The following RNF216 variants were observed in gnomAD, a reference collection of about 807,000 sequenced individuals.
RNF216 encodes the protein E3 ubiquitin-protein ligase RNF216.
In RNF216, 72 loss-of-function variants were observed where a neutral mutation model predicts 110.8. The observed-to-expected ratio is 0.65, with a 90% CI of 0.54 to 0.79. The LOEUF (loss-of-function observed/expected upper bound fraction) is 0.79. Among genes scored for constraint, RNF216 ranks in the 30% least tolerant of loss-of-function variants. The pLI is 0.00. For missense variants in RNF216, 1,342 were observed against 1,141.2 expected (o/e 1.18, Z -2.54); for synonymous variants, 495 against 407.5 (o/e 1.21, Z -2.59).
chr7:5,717,991 A>G (rs2128633799), intron 9 of RNF216, among the ~76,000 whole-genome samples: 1 of 152,188 alleles, frequency 6.6e-6, no homozygotes, highest in Admixed American at 6.5e-5. Context: ...TACTATCTGG[A>G]TAAGAAAGAC....
chr7:5,777,837 C>CA (rs747876633), intron 1 of RNF216, among the ~76,000 whole-genome samples: 4 of 152,150 alleles, frequency 2.6e-5, no homozygotes, highest in Admixed American at 6.5e-5. Flanking sequence ...AAATTAAACT[C>CA]AAAATCTTCA....
intron 9 of RNF216, among the ~76,000 whole-genome samples, chr7:5,720,567 T>G (rs925173161): frequency 1.3e-5 from 2 of 152,124 alleles, no homozygotes; most frequent in Admixed American, 6.5e-5. Context: ...CTAACTTTCA[T>G]GTTGTTCAAG....
intron 13 of RNF216, among the ~76,000 whole-genome samples, chr7:5,658,158 T>A (rs1788865245): frequency 6.6e-6 from 1 of 152,190 alleles, no homozygotes; most frequent in Non-Finnish European, 1.5e-5. Context: ...GTAAGTGCCA[T>A]GAGTAATCAG....
Position 5,720,151 on chromosome 7 carries a change from T to C in RNF216, c.1644+882A>G, listed in dbSNP as rs867616443. On this transcript the variant is annotated intron_variant, in intron 9 of 16. Transcript: ENST00000389902. ...TTGTTCTGCTGGTACAAACTCAATA[T>C]GGTGAAAAAGCAAATATAGCTGAGC... Among the ~76,000 whole-genome samples, 5 of 152,276 alleles carry C rather than the reference T, an allele frequency of 3.3e-5. No individual in the cohort carries two copies. In the South Asian group the frequency reaches 8.3e-4, roughly 25 times the overall value.
chr7:5,730,292 A>G (rs1407950095), intron 6 of RNF216, among the ~76,000 whole-genome samples: 2 of 152,252 alleles, frequency 1.3e-5, no homozygotes, highest in African/African-American at 4.8e-5. Flanking sequence ...AAGAGGATAC[A>G]GTAAACTGTT....
At chr7:5,779,513 G>T (rs543703140) in intron 1 of RNF216, among the ~76,000 whole-genome samples, 5 of 152,168 alleles carry the variant, frequency 3.3e-5, no homozygotes, top group African/African-American at 4.8e-5. Context: ...ATGTTTCATA[G>T]AATCTTCCCG....
intron 9 of RNF216, among the ~76,000 whole-genome samples, chr7:5,718,173 G>A (rs1296499059): frequency 6.6e-6 from 1 of 152,082 alleles, no homozygotes; most frequent in African/African-American, 2.4e-5. Flanking sequence ...TTAAGGTCAG[G>A]AGTTTGACAC....
chr7:5,674,058 C>G (rs1014321338), intron 13 of RNF216, among the ~76,000 whole-genome samples: 3 of 151,166 alleles, frequency 2.0e-5, no homozygotes, highest in African/African-American at 7.3e-5. Context: ...ACGACGGAGT[C>G]TTGCCTTGTC....
At chr7:5,623,842 C>A (rs1212568495) in intron 16 of RNF216, among the ~76,000 whole-genome samples, 1 of 152,170 alleles carries the variant, frequency 6.6e-6, no homozygotes, top group Non-Finnish European at 1.5e-5. Flanking sequence ...TCCTCACCAT[C>A]AAGGAGATGC....
intron 13 of RNF216, among the ~76,000 whole-genome samples, chr7:5,653,714 G>A (rs1788550309): frequency 6.6e-6 from 1 of 151,562 alleles, no homozygotes; most frequent in African/African-American, 2.4e-5. Context: ...ACATAGTGTT[G>A]TCAGTTTTAA....
At chr7:5,768,627 A>G (rs1796331163) in intron 1 of RNF216, among the ~76,000 whole-genome samples, 1 of 151,630 alleles carries the variant, frequency 6.6e-6, no homozygotes, top group Admixed American at 6.6e-5. Flanking sequence ...ATAAAAGATA[A>G]TTAGGTAATT....
At chr7:5,774,565 A>C (rs1584625644) in intron 1 of RNF216, among the ~76,000 whole-genome samples, 3 of 152,232 alleles carry the variant, frequency 2.0e-5, no homozygotes, top group African/African-American at 7.2e-5. Flanking sequence ...ATTAACTGTT[A>C]CCTGCGAAAC....
chr7:5,629,265 C>T (rs962605482), intron 15 of RNF216, among the ~76,000 whole-genome samples: 1 of 150,692 alleles, frequency 6.6e-6, no homozygotes, highest in Non-Finnish European at 1.5e-5. Context: ...TCGCTTGAGG[C>T]CAGGATTTTC....
chr7:5,665,846 G>A (rs900814808), intron 13 of RNF216, among the ~76,000 whole-genome samples: 71 of 151,760 alleles, frequency 4.7e-4, no homozygotes, highest in African/African-American at 1.4e-3. Flanking sequence ...CTAGGCAATG[G>A]CATCATGTGG....
chr7:5,678,151 C>T (rs1057032087), intron 13 of RNF216, among the ~76,000 whole-genome samples: 1 of 152,216 alleles, frequency 6.6e-6, no homozygotes, highest in Non-Finnish European at 1.5e-5. Flanking sequence ...TGCCAATACT[C>T]AGGCATGTGC....
At chr7:5,640,188 G>A (rs538351274) in intron 15 of RNF216, among the ~76,000 whole-genome samples, 2 of 152,034 alleles carry the variant, frequency 1.3e-5, no homozygotes, top group East Asian at 3.9e-4. Context: ...GTGAGCTACT[G>A]TGCCTGACCC....
intron 4 of RNF216, 53 bp downstream of exon 4, chr7:5,740,919 GA>G (rs1057092727): frequency 1.7e-5 from 23 of 1,314,572 alleles, no homozygotes; most frequent in African/African-American, 3.1e-5. Flanking sequence ...AAAAAAAAAA[GA>G]AAAAAACTCA....
chr7:5,709,488 G>A (rs1307891493), intron 13 of RNF216, among the ~76,000 whole-genome samples: 1 of 152,164 alleles, frequency 6.6e-6, no homozygotes, highest in Non-Finnish European at 1.5e-5. Flanking sequence ...TTTCTCTTCT[G>A]TCATCTTGAC....
chr7:5,731,873 T>C (rs1315591707), intron 5 of RNF216, among the ~76,000 whole-genome samples: 1 of 145,090 alleles, frequency 6.9e-6, no homozygotes, highest in African/African-American at 2.9e-5. Flanking sequence ...GCTCCTTTTC[T>C]CATCCAGGTG....
Sources: gnomAD v4.1 joint callset for allele counts (sites outside exome capture counted in the v4.1 genomes callset) on GRCh38, gnomAD v4.1.1 for gene constraint, MANE v1.5 for transcripts, NCBI Gene and HGNC (gene_info 2026-07-23, HGNC 2026-07-21) for gene names.